Variants in SLC24A2 observed in about 807,000 individuals in gnomAD.
SLC24A2 encodes the protein sodium/potassium/calcium exchanger 2.
SLC24A2 carries 36 observed loss-of-function variants against 62.0 expected under a neutral mutation model. That is an observed-to-expected ratio of 0.58 (90% confidence interval 0.44 to 0.77). The LOEUF (loss-of-function observed/expected upper bound fraction) is 0.77, where lower values mean the gene tolerates loss of function less well. Ranked by LOEUF, SLC24A2 falls within the 30% of genes least tolerant of loss-of-function variation. The pLI is 0.00. For missense variants in SLC24A2, 846 were observed against 817.9 expected (o/e 1.03, Z -0.42); for synonymous variants, 358 against 294.0 (o/e 1.22, Z -2.23).
the SLC24A2 span, among the ~76,000 whole-genome samples, chr9:20,143,883 T>C: frequency 2.0e-5 from 3 of 152,244 alleles, no homozygotes; most frequent in African/African-American, 7.2e-5. Flanking sequence ...TGGTGCGTTA[T>C]CATAACATCT....
At chr9:19,595,105 C>A (rs1013961581) in intron 5 of SLC24A2, among the ~76,000 whole-genome samples, 1 of 152,206 alleles carries the variant, frequency 6.6e-6, no homozygotes, top group African/African-American at 2.4e-5. Context: ...CACAAAGGTT[C>A]CATATCAGAA....
the SLC24A2 span, among the ~76,000 whole-genome samples, chr9:19,887,756 C>A: frequency 1.3e-5 from 2 of 152,068 alleles, no homozygotes; most frequent in African/African-American, 4.8e-5. Context: ...AAATATGGAA[C>A]CAGCCCAAAT....
chr9:20,061,254 G>C, the SLC24A2 span, among the ~76,000 whole-genome samples: 2 of 151,572 alleles, frequency 1.3e-5, no homozygotes, highest in Non-Finnish European at 2.9e-5. Flanking sequence ...TGGAACAGAA[G>C]TCTAGAAATA....
At chr9:19,903,323 C>CAG in the SLC24A2 span, among the ~76,000 whole-genome samples, 42 of 151,550 alleles carry the variant, frequency 2.8e-4, no homozygotes, top group African/African-American at 5.8e-4. Context: ...CAGAGAGAAA[C>CAG]AGAGAGAGAG....
At chr9:19,987,738 A>G in the SLC24A2 span, among the ~76,000 whole-genome samples, 2 of 152,186 alleles carry the variant, frequency 1.3e-5, no homozygotes, top group Non-Finnish European at 2.9e-5. Flanking sequence ...ATCCTGCATC[A>G]CACATCAGTA....
At chr9:19,949,762 A>G in the SLC24A2 span, among the ~76,000 whole-genome samples, 2 of 152,180 alleles carry the variant, frequency 1.3e-5, no homozygotes, top group Non-Finnish European at 2.9e-5. Context: ...TTCATTACTG[A>G]CCATGTGGAT....
chr9:19,548,731 C>T (rs1390186340), intron 8 of SLC24A2, among the ~76,000 whole-genome samples: 1 of 152,150 alleles, frequency 6.6e-6, no homozygotes, highest in East Asian at 1.9e-4. Flanking sequence ...TGCTCTCCTC[C>T]CTGTGCAGTC....
At chr9:20,078,648 G>C in the SLC24A2 span, among the ~76,000 whole-genome samples, 12 of 152,206 alleles carry the variant, frequency 7.9e-5, no homozygotes, top group Middle Eastern at 3.4e-3. Flanking sequence ...TCTCCCTTCT[G>C]GCTACTCCTT....
chr9:19,696,436 T>C (rs1250726179), intron 2 of SLC24A2, among the ~76,000 whole-genome samples: 1 of 152,202 alleles, frequency 6.6e-6, no homozygotes, highest in East Asian at 1.9e-4. Context: ...GCACAGCTCC[T>C]CCATTTTCAC....
the SLC24A2 span, among the ~76,000 whole-genome samples, chr9:20,093,791 T>G: frequency 6.6e-6 from 1 of 152,162 alleles, no homozygotes; most frequent in Non-Finnish European, 1.5e-5. Context: ...ATAATTTAAC[T>G]GTAAATTTTA....
the SLC24A2 span, among the ~76,000 whole-genome samples, chr9:20,084,458 T>C: frequency 6.6e-6 from 1 of 151,776 alleles, no homozygotes; most frequent in African/African-American, 2.4e-5. Context: ...TTCCTTCCTT[T>C]CCTTCCTTCT....
intron 2 of SLC24A2, among the ~76,000 whole-genome samples, chr9:19,635,675 A>G (rs1351500298): frequency 6.6e-6 from 1 of 152,246 alleles, no homozygotes; most frequent in African/African-American, 2.4e-5. Context: ...CTTACAATAA[A>G]AAATTTCAAA....
chr9:20,131,401 C>T, the SLC24A2 span, among the ~76,000 whole-genome samples: 1 of 152,112 alleles, frequency 6.6e-6, no homozygotes, highest in African/African-American at 2.4e-5. Context: ...AATTTGAATG[C>T]AGGGATAAGC....
At chr9:19,993,005 C>G in the SLC24A2 span, among the ~76,000 whole-genome samples, 15 of 152,082 alleles carry the variant, frequency 9.9e-5, no homozygotes, top group African/African-American at 3.4e-4. Context: ...TTATTTTTTT[C>G]ATTCTTATTC....
intron 8 of SLC24A2, among the ~76,000 whole-genome samples, chr9:19,542,841 T>C (rs1834343806): frequency 6.6e-6 from 1 of 152,230 alleles, no homozygotes; most frequent in Admixed American, 6.5e-5. Context: ...GGTTTGCCAG[T>C]ATTTTATTGG....
chr9:19,584,701 C>A (rs1246029442), intron 5 of SLC24A2, among the ~76,000 whole-genome samples: 1 of 151,510 alleles, frequency 6.6e-6, no homozygotes, highest in Non-Finnish European at 1.5e-5. Flanking sequence ...TATACATGTG[C>A]CATGAAAATT....
At chr9:19,542,061 GGCTCGC>G (rs1296538331) in intron 8 of SLC24A2, among the ~76,000 whole-genome samples, 1 of 152,136 alleles carries the variant, frequency 6.6e-6, no homozygotes, top group East Asian at 1.9e-4. Flanking sequence ...GCCCTGCTTC[GGCTCGC>G]GCACGGTGCA....
At chr9:19,849,210 G>C in the SLC24A2 span, among the ~76,000 whole-genome samples, 2 of 151,948 alleles carry the variant, frequency 1.3e-5, no homozygotes. Flanking sequence ...CAGTGAATGA[G>C]GCAAGAAAAA....
At chr9:20,286,838 G>A in the SLC24A2 span, among the ~76,000 whole-genome samples, 49,928 of 151,984 alleles carry the variant, frequency 0.33, 8,316 homozygotes, top group Middle Eastern at 0.42. Flanking sequence ...GAGAAAGGAT[G>A]CTTAACTTGT....
Sources: allele counts gnomAD v4.1 joint callset (sites outside exome capture counted in the v4.1 genomes callset), GRCh38; gene constraint gnomAD v4.1.1; transcripts MANE v1.5; gene names NCBI Gene and HGNC (gene_info 2026-07-23, HGNC 2026-07-21).